ACYP2: variants seen among roughly 807,000 people sequenced by gnomAD.
The protein encoded by ACYP2 is acylphosphatase-2.
ACYP2 carries 12 observed loss-of-function variants against 11.2 expected under a neutral mutation model. The observed-to-expected ratio is 1.08, with a 90% CI of 0.69 to 1.74. The LOEUF (loss-of-function observed/expected upper bound fraction) is 1.74, where lower values mean the gene tolerates loss of function less well. Ranked by LOEUF, ACYP2 falls within the 40% of genes most tolerant of loss-of-function variation. The pLI, the probability that ACYP2 is intolerant of heterozygous loss-of-function variation, is 0.00. For missense variants in ACYP2, 134 were observed against 101.9 expected (o/e 1.31, Z -1.35); for synonymous variants, 43 against 32.2 (o/e 1.33, Z -1.13).
At chr2:54,079,228 A>G (rs1402220026) in intron 4 of ACYP2, among the ~76,000 whole-genome samples, 2 of 152,226 alleles carry the variant, frequency 1.3e-5, no homozygotes, top group Non-Finnish European at 2.9e-5. Context: ...TCCACTGGAC[A>G]TCGTGGTTGT....
chr2:54,211,097 T>C (rs1290659767), intron 6 of ACYP2, among the ~76,000 whole-genome samples: 1 of 152,216 alleles, frequency 6.6e-6, no homozygotes, highest in African/African-American at 2.4e-5. Context: ...AAAGATCTCA[T>C]GAAGTACTCA....
intron 6 of ACYP2, among the ~76,000 whole-genome samples, chr2:54,293,538 G>A (rs892525525): frequency 1.3e-5 from 2 of 152,226 alleles, no homozygotes; most frequent in Non-Finnish European, 2.9e-5. Flanking sequence ...AGGTCTCACT[G>A]GTGGAGATGC....
At chr2:54,156,419 C>G (rs1682432378) in intron 6 of ACYP2, among the ~76,000 whole-genome samples, 2 of 152,154 alleles carry the variant, frequency 1.3e-5, no homozygotes, top group Admixed American at 1.3e-4. Context: ...TCTCCCTCCC[C>G]TGCTCCCCAA....
intron 6 of ACYP2, among the ~76,000 whole-genome samples, chr2:54,206,512 G>A (rs1173515141): frequency 2.0e-5 from 3 of 152,146 alleles, no homozygotes; most frequent in East Asian, 1.9e-4. Context: ...AATTAGAAAC[G>A]ATATCTCTAT....
At chr2:54,161,100 A>G (rs900529122) in intron 6 of ACYP2, among the ~76,000 whole-genome samples, 4 of 152,144 alleles carry the variant, frequency 2.6e-5, no homozygotes, top group Admixed American at 6.6e-5. Flanking sequence ...CAGCAGTGTG[A>G]GTTCATAAGC....
chr2:54,188,037 C>T (rs184825446), intron 6 of ACYP2, among the ~76,000 whole-genome samples: 39 of 152,298 alleles, frequency 2.6e-4, no homozygotes, highest in African/African-American at 9.1e-4. Flanking sequence ...ACAAACCTGT[C>T]GTAGCCCTGA....
intron 2 of ACYP2, among the ~76,000 whole-genome samples, chr2:54,001,631 T>G (rs535395505): frequency 6.6e-6 from 1 of 152,286 alleles, no homozygotes; most frequent in South Asian, 2.1e-4. Flanking sequence ...TGACCTCAGG[T>G]GATCCACTCA....
chr2:54,069,385 G>A (rs573647610), intron 4 of ACYP2, among the ~76,000 whole-genome samples: 1 of 152,262 alleles, frequency 6.6e-6, no homozygotes, highest in Non-Finnish European at 1.5e-5. Context: ...AATACAGGCT[G>A]GGCACGGTGG....
intron 4 of ACYP2, among the ~76,000 whole-genome samples, chr2:54,087,419 C>G (rs1677999596): frequency 6.6e-6 from 1 of 152,124 alleles, no homozygotes; most frequent in Non-Finnish European, 1.5e-5. Context: ...GCCATCATGG[C>G]TCTCTGCAGC....
intron 6 of ACYP2, among the ~76,000 whole-genome samples, chr2:54,206,749 C>T (rs1030514586): frequency 6.6e-6 from 1 of 152,106 alleles, no homozygotes; most frequent in Admixed American, 6.6e-5. Context: ...CTAAATGTTC[C>T]CCTGTAGGGG....
At chr2:54,231,533 C>T (rs927863382) in intron 6 of ACYP2, among the ~76,000 whole-genome samples, 2 of 152,148 alleles carry the variant, frequency 1.3e-5, no homozygotes, top group Non-Finnish European at 2.9e-5. Context: ...TAAAAGCAGG[C>T]ATCACCATTT....
intron 2 of ACYP2, among the ~76,000 whole-genome samples, chr2:54,042,749 C>T (rs769478938): frequency 6.9e-4 from 105 of 152,016 alleles, no homozygotes; most frequent in Non-Finnish European, 1.4e-3. Flanking sequence ...TTCAGCAGGC[C>T]GAAAGAGAGG....
intron 6 of ACYP2, among the ~76,000 whole-genome samples, chr2:54,179,682 C>T (rs890049287): frequency 6.6e-6 from 1 of 152,036 alleles, no homozygotes; most frequent in Non-Finnish European, 1.5e-5. Flanking sequence ...TGAGGATGAC[C>T]AGAGGTCACT....
intron 2 of ACYP2, among the ~76,000 whole-genome samples, chr2:54,003,993 T>G (rs1672930715): frequency 6.6e-6 from 1 of 152,186 alleles, no homozygotes; most frequent in Non-Finnish European, 1.5e-5. Context: ...GTTTTTTGTT[T>G]TTTTTTCTGA....
intron 6 of ACYP2, among the ~76,000 whole-genome samples, chr2:54,139,559 G>C (rs1289443324): frequency 6.6e-6 from 1 of 152,082 alleles, no homozygotes; most frequent in Admixed American, 6.6e-5. Flanking sequence ...AACATTTATT[G>C]AGCATTTACA....
At chr2:54,231,604 G>C (rs150987274) in intron 6 of ACYP2, among the ~76,000 whole-genome samples, 2 of 152,280 alleles carry the variant, frequency 1.3e-5, no homozygotes, top group African/African-American at 4.8e-5. Context: ...TCATGTATCA[G>C]TTGGGAATGA....
intron 2 of ACYP2, among the ~76,000 whole-genome samples, chr2:54,030,155 T>C (rs191712804): frequency 2.6e-4 from 40 of 152,320 alleles, no homozygotes; most frequent in African/African-American, 9.4e-4. Context: ...CTGATTAAAC[T>C]GTGGGGGCCC....
chr2:54,258,485 T>C (rs1052423022), intron 6 of ACYP2, among the ~76,000 whole-genome samples: 1 of 151,252 alleles, frequency 6.6e-6, no homozygotes, highest in Non-Finnish European at 1.5e-5. Flanking sequence ...TCTTGTATGA[T>C]AGTGTAAGAA....
chr2:54,049,794 G>C (rs1273572654), intron 2 of ACYP2, among the ~76,000 whole-genome samples: 2 of 152,134 alleles, frequency 1.3e-5, no homozygotes, highest in African/African-American at 4.8e-5. Flanking sequence ...CTTTCAGATT[G>C]GCTCCACATC....
Sources: allele counts gnomAD v4.1 joint callset (sites outside exome capture counted in the v4.1 genomes callset), GRCh38; gene constraint gnomAD v4.1.1; transcripts MANE v1.5; gene names NCBI Gene and HGNC (gene_info 2026-07-23, HGNC 2026-07-21).